Variants in MYO1D observed in about 807,000 individuals in gnomAD.
MYO1D encodes the protein myosin ID, also known as unconventional myosin-Id.
A neutral mutation model predicts 122.0 loss-of-function variants in MYO1D; 83 were observed. The ratio of observed to expected loss-of-function variants is 0.68; its 90% CI spans 0.57 to 0.82. MYO1D has a LOEUF of 0.82. Ranked by LOEUF, MYO1D falls within the 40% of genes least tolerant of loss-of-function variation. The pLI is 0.00. For missense variants in MYO1D, 1,157 were observed against 1,269.5 expected, an observed-to-expected ratio of 0.91 and a Z score of 1.35; for synonymous variants, 464 against 446.9, an observed-to-expected ratio of 1.04 and a Z score of -0.48.
chr17:32,641,873 C>T (rs1282055494), intron 19 of MYO1D, among the ~76,000 whole-genome samples: 5 of 152,034 alleles, frequency 3.3e-5, no homozygotes, highest in Admixed American at 6.6e-5. Flanking sequence ...TTCTCCCATT[C>T]TGTAGGTTGC....
intron 19 of MYO1D, among the ~76,000 whole-genome samples, chr17:32,643,878 GATTC>G (rs943969139): frequency 1.7e-4 from 26 of 152,182 alleles, no homozygotes; most frequent in Admixed American, 1.5e-3. Flanking sequence ...CCAGCTCCTG[GATTC>G]ATTGATTTTT....
At chr17:32,575,484 C>G (rs147227203) in intron 21 of MYO1D, among the ~76,000 whole-genome samples, 1 of 152,160 alleles carries the variant, frequency 6.6e-6, no homozygotes, top group Non-Finnish European at 1.5e-5. Context: ...ATAAAATTTT[C>G]CATGTGGTGT....
intron 1 of MYO1D, among the ~76,000 whole-genome samples, chr17:32,809,794 A>C (rs765677060): frequency 2.0e-5 from 3 of 152,234 alleles, no homozygotes; most frequent in Non-Finnish European, 4.4e-5. Flanking sequence ...GCTCAGCAAT[A>C]ATAGCAACTG....
intron 15 of MYO1D, among the ~76,000 whole-genome samples, chr17:32,720,295 T>G (rs1320225310): frequency 6.6e-6 from 1 of 152,180 alleles, no homozygotes; most frequent in Non-Finnish European, 1.5e-5. Context: ...ATATTACACT[T>G]ATTGAGTGAT....
At chr17:32,515,381 C>T (rs1909853777) in intron 21 of MYO1D, among the ~76,000 whole-genome samples, 1 of 152,214 alleles carries the variant, frequency 6.6e-6, no homozygotes, top group African/African-American at 2.4e-5. Context: ...GCAGTCTTCA[C>T]CTCCTGGTGA....
intron 21 of MYO1D, among the ~76,000 whole-genome samples, chr17:32,552,401 AATCC>A (rs71870663): frequency 0.072 from 9,188 of 128,338 alleles, 518 homozygotes; most frequent in Non-Finnish European, 0.098. Context: ...TAACCTTTGT[AATCC>A]ATCCATCCAT....
intron 20 of MYO1D, among the ~76,000 whole-genome samples, chr17:32,606,837 C>T (rs2087633668): frequency 6.6e-6 from 1 of 152,150 alleles, no homozygotes; most frequent in Non-Finnish European, 1.5e-5. Flanking sequence ...TACTGGAAGC[C>T]CTAGCCAGTG....
At chr17:32,650,104 G>A (rs1345868733) in intron 19 of MYO1D, among the ~76,000 whole-genome samples, 4 of 152,158 alleles carry the variant, frequency 2.6e-5, no homozygotes, top group Non-Finnish European at 1.5e-5. Context: ...CTGTCTGGAT[G>A]ACTTCCTTTA....
At chr17:32,733,665 C>A (rs533714125) in intron 14 of MYO1D, among the ~76,000 whole-genome samples, 2 of 152,324 alleles carry the variant, frequency 1.3e-5, no homozygotes, top group African/African-American at 2.4e-5. Context: ...AAGGACCCAG[C>A]CTTGAATAAC....
intron 21 of MYO1D, among the ~76,000 whole-genome samples, chr17:32,525,757 GAAGA>G (rs1344409493): frequency 6.6e-6 from 1 of 152,164 alleles, no homozygotes; most frequent in Non-Finnish European, 1.5e-5. Context: ...AGATGCCACA[GAAGA>G]AAGTAGAGAG....
At chr17:32,575,544 C>T (rs1403820003) in intron 21 of MYO1D, among the ~76,000 whole-genome samples, 2 of 152,166 alleles carry the variant, frequency 1.3e-5, no homozygotes, top group Non-Finnish European at 2.9e-5. Context: ...TATGGATACC[C>T]ACCTTATTAT....
intron 1 of MYO1D, among the ~76,000 whole-genome samples, chr17:32,806,719 C>G (rs1598114333): frequency 1.3e-5 from 2 of 152,326 alleles, no homozygotes; most frequent in East Asian, 1.9e-4. Context: ...AATAATAAAT[C>G]TTCCGAGTAA....
intron 20 of MYO1D, among the ~76,000 whole-genome samples, chr17:32,632,997 T>G (rs1341619971): frequency 1.3e-5 from 2 of 152,094 alleles, no homozygotes; most frequent in African/African-American, 4.8e-5. Flanking sequence ...TTACTATCTA[T>G]GTAGTAATTT....
intron 14 of MYO1D, among the ~76,000 whole-genome samples, chr17:32,728,606 G>A (rs757225467): frequency 9.9e-5 from 15 of 152,126 alleles, no homozygotes; most frequent in Non-Finnish European, 2.1e-4. Context: ...GATGAAATAA[G>A]ACTAAGCTAG....
chr17:32,525,711 C>T (rs1910319522), intron 21 of MYO1D, among the ~76,000 whole-genome samples: 1 of 152,122 alleles, frequency 6.6e-6, no homozygotes, highest in African/African-American at 2.4e-5. Context: ...AGCGGCCCTC[C>T]CTGCAGTTTC....
At chr17:32,507,892 CTTTTTT>C (rs34271237) in intron 21 of MYO1D, among the ~76,000 whole-genome samples, 2 of 109,320 alleles carry the variant, frequency 1.8e-5, no homozygotes, top group South Asian at 3.1e-4. Context: ...CCATGCTGGA[CTTTTTT>C]TTTTTTTTTT....
At chr17:32,504,505 T>A (rs1909427846) in intron 21 of MYO1D, 2 of 152,016 alleles carry the variant, frequency 1.3e-5, no homozygotes, top group African/African-American at 4.8e-5. Context: ...TGACCCTGGG[T>A]GGCTGGGGTG....
chr17:32,697,573 G>A (rs9913387), intron 16 of MYO1D, among the ~76,000 whole-genome samples: 1 of 151,256 alleles, frequency 6.6e-6, no homozygotes, highest in Admixed American at 6.6e-5. Context: ...TCCCAACCTA[G>A]CCATAGCTCG....
chr17:32,818,125 C>CAAAAAAAAAAAAAAAAAA (rs58466009), intron 1 of MYO1D, among the ~76,000 whole-genome samples: 597 of 45,782 alleles, frequency 0.013, 7 homozygotes, highest in Non-Finnish European at 0.015. Flanking sequence ...GACTCCGTCT[C>CAAAAAAAAAAAAAAAAAA]AAAAAAAAAA....
Sources: gnomAD v4.1 joint callset for allele counts (sites outside exome capture counted in the v4.1 genomes callset) on GRCh38, gnomAD v4.1.1 for gene constraint, MANE v1.5 for transcripts, NCBI Gene and HGNC (gene_info 2026-07-23, HGNC 2026-07-21) for gene names.